GPC6: variants seen among roughly 807,000 people sequenced by gnomAD.
The protein encoded by GPC6 is glypican-6.
A neutral mutation model predicts 55.2 loss-of-function variants in GPC6; 14 were observed. The ratio of observed to expected loss-of-function variants is 0.25; its 90% confidence interval spans 0.17 to 0.40. GPC6 has a LOEUF of 0.40. Among genes scored for constraint, GPC6 ranks in the 10% least tolerant of loss-of-function variants. GPC6 has a pLI of 1.00. For missense variants in GPC6, 641 were observed against 708.5 expected (o/e 0.90, Z 1.08); for synonymous variants, 278 against 259.6 (o/e 1.07, Z -0.68).
chr13:94,204,788 A>G lies in GPC6; in HGVS notation c.878-81561A>G, dbSNP rs550209891. 2.6e-5 allele frequency among the ~76,000 whole-genome samples: 4 copies of G among 152,338 alleles called. No homozygotes were observed. In the East Asian group the frequency reaches 5.8e-4, roughly 22 times the overall value. On this transcript the variant is annotated intron_variant, in intron 4 of 8. Coordinates refer to ENST00000377047, the MANE Select transcript of GPC6 (RefSeq NM_005708.5). ...TTCCAATTTTGTATCCTTCACTTCT[A>G]TAAGCAACCGTATAGAACTCAGTCA...
At chr13:94,016,374 C>T (rs184583015) in intron 3 of GPC6, among the ~76,000 whole-genome samples, 3 of 152,260 alleles carry the variant, frequency 2.0e-5, no homozygotes, top group Admixed American at 6.5e-5. Flanking sequence ...TGACAGGAGA[C>T]GGAGCTCACA....
intron 4 of GPC6, among the ~76,000 whole-genome samples, chr13:94,256,084 T>C (rs1254039614): frequency 2.0e-5 from 3 of 152,140 alleles, no homozygotes; most frequent in Non-Finnish European, 2.9e-5. Flanking sequence ...TCAGTAAAGA[T>C]AGAGACGTGT....
At chr13:93,458,910 G>A (rs1878573759) in intron 1 of GPC6, among the ~76,000 whole-genome samples, 1 of 152,080 alleles carries the variant, frequency 6.6e-6, no homozygotes. Context: ...GGTAATTTGA[G>A]GTAAATGAAT....
chr13:93,582,136 C>T (rs1312568791), intron 2 of GPC6, among the ~76,000 whole-genome samples: 1 of 152,204 alleles, frequency 6.6e-6, no homozygotes, highest in Admixed American at 6.5e-5. Flanking sequence ...CTTAGAAGAA[C>T]TCTCCTTGTT....
chr13:93,617,565 A>C (rs1350838925), intron 2 of GPC6, among the ~76,000 whole-genome samples: 1 of 152,078 alleles, frequency 6.6e-6, no homozygotes, highest in Non-Finnish European at 1.5e-5. Context: ...ACATACATGA[A>C]ACTCTGTGCT....
At chr13:93,713,914 C>T in intron 2 of GPC6, among the ~76,000 whole-genome samples, 1 of 151,748 alleles carries the variant, frequency 6.6e-6, no homozygotes, top group Non-Finnish European at 1.5e-5. Context: ...CCATACCTTT[C>T]ACCATATACA....
At chr13:93,864,538 G>C (rs1888904654) in intron 3 of GPC6, among the ~76,000 whole-genome samples, 1 of 151,684 alleles carries the variant, frequency 6.6e-6, no homozygotes, top group East Asian at 1.9e-4. Context: ...GATGGAAGGA[G>C]ATCTAACCCT....
Position 93,445,574 on chromosome 13 carries a change from A to C in GPC6, c.161-99689A>C, listed in dbSNP as rs528392781. Among the ~76,000 whole-genome samples the C allele has an allele frequency of 1.1e-4, 16 of 152,334 alleles. No homozygotes were observed. In the East Asian group the frequency reaches 2.9e-3, roughly 28 times the overall value. ...TCACTGTCTTCTTCACATCTCCTGCAGCAATCTGCAGAGCAAATTATTGCT... is the reference window on the plus strand; with the variant it reads ...TCACTGTCTTCTTCACATCTCCTGCCGCAATCTGCAGAGCAAATTATTGCT... On this transcript the variant is annotated intron_variant, in intron 1 of 8. Transcript: ENST00000377047.
At chr13:93,612,827 G>C (rs1248503518) in intron 2 of GPC6, among the ~76,000 whole-genome samples, 1 of 152,108 alleles carries the variant, frequency 6.6e-6, no homozygotes, top group African/African-American at 2.4e-5. Context: ...AAAGGTATTC[G>C]TATGTGTGTC....
Position 94,403,187 on chromosome 13 carries a change from T to C in GPC6, c.1638T>C (p.Ile546=). The C allele has an allele frequency of 6.2e-7, 1 of 1,613,894 alleles. No homozygotes were observed. ...HSLLSWSLTC[I]VLALQRLCR is the part of the protein sequence containing the mutation. ...TGCTCTCCTGGTCTCTCACCTGCATTGTCCTGGCACTGCAGAGACTGTGCA... is the reference window on the plus strand; with the variant it reads ...TGCTCTCCTGGTCTCTCACCTGCATCGTCCTGGCACTGCAGAGACTGTGCA... The change falls in exon 9 of 9, where the codon ATT becomes ATC. Residue 546 remains isoleucine (I), a synonymous_variant. Coordinates refer to ENST00000377047, the MANE Select transcript of GPC6 (RefSeq NM_005708.5).
rs144325437 is a variant in GPC6, at chr13:94,055,229, T to C, written c.877+27335T>C. ...CTGGTGAAAGTGTGAGGGTCTGTCTTTTAGTTAAACACAGGGTGAAGCAGT... is the reference window on the plus strand; with the variant it reads ...CTGGTGAAAGTGTGAGGGTCTGTCTCTTAGTTAAACACAGGGTGAAGCAGT... On this transcript the variant is annotated intron_variant, in intron 4 of 8. Coordinates refer to ENST00000377047, the MANE Select transcript of GPC6 (RefSeq NM_005708.5). Among the ~76,000 whole-genome samples, 508 of 152,302 alleles carry C rather than the reference T, an allele frequency of 3.3e-3. 6 individuals are homozygous for C. Among genetic ancestry groups the C allele is most frequent in the African/African-American group, 0.012 (495 of 41,560 alleles).
intron 4 of GPC6, among the ~76,000 whole-genome samples, chr13:94,273,048 G>A (rs577965282): frequency 2.0e-4 from 30 of 152,236 alleles, no homozygotes; most frequent in African/African-American, 7.0e-4. Context: ...GGAAATAAAA[G>A]GAACTCTCCC....
At chr13:93,965,453 A>G (rs1262933013) in intron 3 of GPC6, among the ~76,000 whole-genome samples, 2 of 152,122 alleles carry the variant, frequency 1.3e-5, no homozygotes, top group African/African-American at 2.4e-5. Context: ...TTTGCAATTC[A>G]TTCGGTCAAG....
chr13:94,344,270 T>C (rs1878178648), intron 6 of GPC6, among the ~76,000 whole-genome samples: 1 of 152,226 alleles, frequency 6.6e-6, no homozygotes, highest in South Asian at 2.1e-4. Context: ...GGCCCTGCCC[T>C]GTGTGAACCT....
intron 1 of GPC6, among the ~76,000 whole-genome samples, chr13:93,377,645 T>C (rs774623693): frequency 9.2e-5 from 14 of 152,208 alleles, no homozygotes; most frequent in Non-Finnish European, 1.5e-4. Flanking sequence ...AATGCTGTGG[T>C]TCCTTGACTT....
rs907850236 is a variant in GPC6, at chr13:93,673,212, A to C, written c.319+127791A>C. On this transcript the variant is annotated intron_variant, in intron 2 of 8. Coordinates refer to ENST00000377047, the MANE Select transcript of GPC6 (RefSeq NM_005708.5). ...GCCAGTGGATCATTAACCAGGAGGC[A>C]GACCTCAGGGTCCTGCTCTCTATGG... 3.3e-5 allele frequency among the ~76,000 whole-genome samples: 5 copies of C among 152,166 alleles called. No individual in the cohort carries two copies. In the South Asian group the frequency reaches 8.3e-4, roughly 25 times the overall value.
intron 1 of GPC6, among the ~76,000 whole-genome samples, chr13:93,238,222 G>A (rs1256469431): frequency 1.3e-5 from 2 of 152,096 alleles, no homozygotes; most frequent in African/African-American, 2.4e-5. Context: ...CCATTTGTTT[G>A]TGTGATCTAC....
chr13:93,349,597 A>G (rs1880558700), intron 1 of GPC6, among the ~76,000 whole-genome samples: 1 of 152,230 alleles, frequency 6.6e-6, no homozygotes, highest in Admixed American at 6.5e-5. Flanking sequence ...GAGCATATTT[A>G]GAAAGTTTCA....
intron 4 of GPC6, among the ~76,000 whole-genome samples, chr13:94,282,861 A>G (rs1057163472): frequency 1.3e-4 from 20 of 152,368 alleles, no homozygotes; most frequent in African/African-American, 4.6e-4. Context: ...GCTGTTAGTC[A>G]TAAGAGTCAC....
Sources: gnomAD v4.1 joint callset for allele counts (sites outside exome capture counted in the v4.1 genomes callset) on GRCh38, gnomAD v4.1.1 for gene constraint, MANE v1.5 for transcripts, NCBI Gene and HGNC (gene_info 2026-07-23, HGNC 2026-07-21) for gene names.